NT5DC1: variants seen among roughly 807,000 people sequenced by gnomAD.
The protein encoded by NT5DC1 is 5'-nucleotidase domain containing 1.
Under a neutral mutation model 59.4 loss-of-function variants are expected in NT5DC1, and 42 were observed. The ratio of observed to expected loss-of-function variants is 0.71; its 90% CI spans 0.55 to 0.92. The LOEUF is 0.92. Among genes scored for constraint, NT5DC1 ranks in the 40% least tolerant of loss-of-function variants. NT5DC1 has a pLI of 0.00. For synonymous variants in NT5DC1, 172 were observed against 188.1 expected (o/e 0.91, Z 0.70); for missense variants, 501 against 537.1 (o/e 0.93, Z 0.66).
In NT5DC1 at chr6:116,210,485, G is replaced by T. The variant is rs534450273; in HGVS notation, c.530-10569G>T. On this transcript the variant is annotated intron_variant, in intron 6 of 11. Transcript: ENST00000319550. ...AGCAGACCGCCTGCATTCAAATTCC[G>T]ATTCTGCCACATGGTAGCTGTGTGA... Among the ~76,000 whole-genome samples, 69 of 151,986 alleles carry T rather than the reference G, an allele frequency of 4.5e-4. 1 individual carries two copies. The South Asian group carries it at 0.014, about 31-fold the overall frequency.
chr6:116,104,948 C>T (rs934280863), intron 1 of NT5DC1, among the ~76,000 whole-genome samples: 1 of 152,122 alleles, frequency 6.6e-6, no homozygotes, highest in Non-Finnish European at 1.5e-5. Context: ...TGCTTGGAAG[C>T]TCTGGGTAGT....
At position 116,205,092 on chromosome 6, in the gene NT5DC1, T is replaced by C. The variant is rs142202514; in HGVS notation, c.530-15962T>C. Among the ~76,000 whole-genome samples the C allele has an allele frequency of 3.9e-5, 6 of 152,132 alleles. No homozygotes were observed. The East Asian group carries it at 1.2e-3, about 30-fold the overall frequency. ...CAGAAGTGTCCAAGCAAATAATACA[T>C]TCATGGGTTCTTAGTTTCTGTTTCT... On this transcript the variant is annotated intron_variant, in intron 6 of 11. Transcript: ENST00000319550.
chr6:116,219,822 C>T (rs1469750176), intron 6 of NT5DC1, among the ~76,000 whole-genome samples: 7 of 151,768 alleles, frequency 4.6e-5, no homozygotes, highest in East Asian at 1.9e-4. Flanking sequence ...GTTAGCTGGG[C>T]GTGGTGGCAC....
chr6:116,237,296 T>C (rs896370577), intron 9 of NT5DC1, among the ~76,000 whole-genome samples: 3 of 152,206 alleles, frequency 2.0e-5, no homozygotes. Flanking sequence ...GCCTGTGGAA[T>C]GTTATCCTGA....
At chr6:116,141,400 G>A (rs1779760062) in intron 6 of NT5DC1, among the ~76,000 whole-genome samples, 1 of 151,790 alleles carries the variant, frequency 6.6e-6, no homozygotes, top group Non-Finnish European at 1.5e-5. Flanking sequence ...TGTGTTATCT[G>A]CAGTTAACTT....
intron 6 of NT5DC1, among the ~76,000 whole-genome samples, chr6:116,207,265 A>G (rs953636799): frequency 6.6e-6 from 1 of 151,368 alleles, no homozygotes; most frequent in African/African-American, 2.4e-5. Flanking sequence ...ATGGGAAAAA[A>G]TATTTCTGTA....
At chr6:116,201,471 A>G (rs1378106033) in intron 6 of NT5DC1, among the ~76,000 whole-genome samples, 1 of 152,016 alleles carries the variant, frequency 6.6e-6, no homozygotes, top group African/African-American at 2.4e-5. Context: ...TGACCAATCA[A>G]ATTTCCCTAA....
chr6:116,146,574 T>C (rs1779902661), intron 6 of NT5DC1, among the ~76,000 whole-genome samples: 1 of 152,216 alleles, frequency 6.6e-6, no homozygotes, highest in African/African-American at 2.4e-5. Context: ...AAATAAATTA[T>C]TGTTAAATGA....
At chr6:116,108,218 G>T in intron 2 of NT5DC1, 146 bp from the exon 3 acceptor site, 1 of 622,850 alleles carries the variant, frequency 1.6e-6, no homozygotes, top group Non-Finnish European at 2.9e-6. Flanking sequence ...ACAGTTCTTA[G>T]ATATTCTTAA....
At chr6:116,202,331 CT>C (rs1781366970) in intron 6 of NT5DC1, among the ~76,000 whole-genome samples, 2 of 151,988 alleles carry the variant, frequency 1.3e-5, no homozygotes, top group East Asian at 3.9e-4. Flanking sequence ...AACAAAGTTC[CT>C]TCTCAATTTT....
intron 6 of NT5DC1, among the ~76,000 whole-genome samples, chr6:116,156,492 G>C (rs917511784): frequency 6.6e-6 from 1 of 152,168 alleles, no homozygotes; most frequent in African/African-American, 2.4e-5. Flanking sequence ...ATAGTGCAAA[G>C]TAAAAAGGAA....
chr6:116,213,490 C>G (rs1781625283), intron 6 of NT5DC1, among the ~76,000 whole-genome samples: 1 of 152,096 alleles, frequency 6.6e-6, no homozygotes, highest in Non-Finnish European at 1.5e-5. Flanking sequence ...GTCATTCGCA[C>G]TGCATTCTAT....
chr6:116,127,469 A>G (rs905509908), intron 6 of NT5DC1, among the ~76,000 whole-genome samples: 10 of 152,256 alleles, frequency 6.6e-5, no homozygotes, highest in African/African-American at 2.4e-4. Flanking sequence ...ATAGCAGTTT[A>G]GAATAACAAA....
intron 8 of NT5DC1, among the ~76,000 whole-genome samples, chr6:116,228,508 CAA>C (rs11318643): frequency 9.4e-5 from 14 of 149,350 alleles, no homozygotes; most frequent in Admixed American, 1.3e-4. Flanking sequence ...AACTCCGACT[CAA>C]AAAAAAAAAG....
intron 6 of NT5DC1, among the ~76,000 whole-genome samples, chr6:116,218,481 T>C (rs895516137): frequency 1.3e-5 from 2 of 152,166 alleles, no homozygotes; most frequent in Non-Finnish European, 2.9e-5. Context: ...CTCCCTTAGG[T>C]ATAGTAAGTT....
chr6:116,173,813 A>T lies in NT5DC1; in HGVS notation c.530-47241A>T, dbSNP rs1247049558. Among the ~76,000 whole-genome samples, 4 of 152,192 alleles carry T rather than the reference A, an allele frequency of 2.6e-5. No homozygotes were observed. In the East Asian group the frequency reaches 7.7e-4, roughly 29 times the overall value. ...CTTACATTATTATGGTACCTTTGTC[A>T]CATCTAAGAAACCAACATTGGCACA... On this transcript the variant is annotated intron_variant, in intron 6 of 11. Coordinates refer to ENST00000319550, the MANE Select transcript of NT5DC1 (RefSeq NM_152729.3).
intron 6 of NT5DC1, among the ~76,000 whole-genome samples, chr6:116,131,763 T>C (rs1322843509): frequency 6.6e-6 from 1 of 152,180 alleles, no homozygotes; most frequent in African/African-American, 2.4e-5. Context: ...ACAGTTTATT[T>C]CATCACCCAG....
chr6:116,112,796 T>C (rs558666975), intron 4 of NT5DC1, among the ~76,000 whole-genome samples: 31 of 152,236 alleles, frequency 2.0e-4, no homozygotes, highest in Non-Finnish European at 4.0e-4. Context: ...TCTAAAGATA[T>C]ACAGGTTTAA....
chr6:116,237,624 A>C (rs1486227432), intron 9 of NT5DC1: 1 of 410,262 alleles, frequency 2.4e-6, no homozygotes, highest in Non-Finnish European at 4.9e-6. Context: ...CTGTTTTCAC[A>C]TCTGAAAATT....
Sources: gnomAD v4.1 joint callset for allele counts (sites outside exome capture counted in the v4.1 genomes callset) on GRCh38, gnomAD v4.1.1 for gene constraint, MANE v1.5 for transcripts, NCBI Gene and HGNC (gene_info 2026-07-23, HGNC 2026-07-21) for gene names.